Variants in FHIT observed in about 807,000 individuals in gnomAD.
FHIT encodes fragile histidine triad diadenosine triphosphatase.
FHIT carries 19 observed loss-of-function variants against 17.9 expected under a neutral mutation model. The observed-to-expected ratio is 1.06, with a 90% CI of 0.74 to 1.56. The LOEUF is 1.56. Ranked by LOEUF, FHIT falls within the 40% of genes most tolerant of loss-of-function variation. The pLI is 0.00. For missense variants in FHIT, 248 were observed against 189.2 expected (o/e 1.31, Z -1.82); for synonymous variants, 81 against 69.7 (o/e 1.16, Z -0.81).
At chr3:60,139,323 G>A (rs1699938456) in intron 5 of FHIT, among the ~76,000 whole-genome samples, 1 of 152,126 alleles carries the variant, frequency 6.6e-6, no homozygotes, top group South Asian at 2.1e-4. Flanking sequence ...CAAAAAGGGG[G>A]CAAAGCCAAG....
chr3:60,404,250 C>T (rs1424609562), intron 5 of FHIT, among the ~76,000 whole-genome samples: 1 of 152,128 alleles, frequency 6.6e-6, no homozygotes, highest in Non-Finnish European at 1.5e-5. Flanking sequence ...GGACACACTC[C>T]ACCAGTAACA....
chr3:60,461,661 T>C (rs1046685329), intron 5 of FHIT, among the ~76,000 whole-genome samples: 2 of 152,200 alleles, frequency 1.3e-5, no homozygotes, highest in Non-Finnish European at 2.9e-5. Context: ...GTCTTTTTTC[T>C]TCTGCAAGTT....
chr3:60,131,020 CA>C (rs1559661423), intron 5 of FHIT, among the ~76,000 whole-genome samples: 3 of 144,814 alleles, frequency 2.1e-5, no homozygotes, highest in African/African-American at 7.7e-5. Context: ...TATATATACA[CA>C]TATATACATA....
At chr3:61,073,211 G>A (rs967750505) in intron 2 of FHIT, among the ~76,000 whole-genome samples, 3 of 152,214 alleles carry the variant, frequency 2.0e-5, no homozygotes, top group Admixed American at 1.3e-4. Context: ...GATGGATGGA[G>A]TGTATGCTGT....
chr3:60,024,033 T>C (rs1482551967), intron 5 of FHIT, among the ~76,000 whole-genome samples: 1 of 151,420 alleles, frequency 6.6e-6, no homozygotes, highest in South Asian at 2.1e-4. Flanking sequence ...AAATGTAACA[T>C]ACCCAGCTAA....
intron 2 of FHIT, among the ~76,000 whole-genome samples, chr3:61,052,851 T>C (rs544646046): frequency 2.1e-3 from 217 of 104,682 alleles, no homozygotes; most frequent in Middle Eastern, 0.014. Flanking sequence ...AATTAATCTA[T>C]TTTTTTTTAA....
At chr3:60,545,787 C>G (rs1352699248) in intron 4 of FHIT, among the ~76,000 whole-genome samples, 1 of 152,276 alleles carries the variant, frequency 6.6e-6, no homozygotes, top group African/African-American at 2.4e-5. Flanking sequence ...AATCCACATG[C>G]CCTCTGAAAT....
intron 5 of FHIT, among the ~76,000 whole-genome samples, chr3:60,220,542 AAATT>A (rs1390718161): frequency 2.6e-5 from 4 of 152,200 alleles, no homozygotes; most frequent in Non-Finnish European, 5.9e-5. Flanking sequence ...AGATGAATTC[AAATT>A]ATTTATTATG....
chr3:60,994,333 G>GTTACGCATGTCTTAAAGGA (rs2107589426), intron 3 of FHIT, among the ~76,000 whole-genome samples: 1 of 152,276 alleles, frequency 6.6e-6, no homozygotes, highest in East Asian at 1.9e-4. Flanking sequence ...GATGGAGAAC[G>GTTACGCATGTCTTAAAGGA]TGGGGGAAGA....
chr3:60,621,183 T>C (rs1299637237), intron 4 of FHIT, among the ~76,000 whole-genome samples: 1 of 131,424 alleles, frequency 7.6e-6, no homozygotes. Context: ...GAGTCTCACA[T>C]GGTCACCTAG....
chr3:60,910,897 C>G (rs1706708435), intron 3 of FHIT, among the ~76,000 whole-genome samples: 3 of 152,176 alleles, frequency 2.0e-5, no homozygotes, highest in Admixed American at 6.5e-5. Context: ...ACTGGACCTG[C>G]AATTATGTGA....
intron 7 of FHIT, among the ~76,000 whole-genome samples, chr3:60,001,977 A>G (rs1262876488): frequency 6.6e-6 from 1 of 152,184 alleles, no homozygotes; most frequent in Non-Finnish European, 1.5e-5. Context: ...GGGAACACGA[A>G]CTGATATATG....
intron 5 of FHIT, among the ~76,000 whole-genome samples, chr3:60,204,464 T>TG (rs1297128276): frequency 2.1e-4 from 31 of 145,904 alleles, no homozygotes; most frequent in South Asian, 6.5e-4. Context: ...TTTTGTTTTG[T>TG]TTTTTTAGTA....
chr3:60,662,366 T>A (rs1440129940), intron 4 of FHIT, among the ~76,000 whole-genome samples: 3 of 152,188 alleles, frequency 2.0e-5, no homozygotes, highest in Non-Finnish European at 2.9e-5. Context: ...TTGGCTTTAT[T>A]TCTGGGTTCT....
chr3:61,127,136 A>T (rs2036629287), intron 2 of FHIT, among the ~76,000 whole-genome samples: 1 of 152,204 alleles, frequency 6.6e-6, no homozygotes, highest in Non-Finnish European at 1.5e-5. Context: ...CTGTAACAGA[A>T]TCATTTGACT....
At chr3:59,939,937 C>T (rs537879798) in intron 7 of FHIT, among the ~76,000 whole-genome samples, 3 of 152,270 alleles carry the variant, frequency 2.0e-5, no homozygotes, top group Non-Finnish European at 4.4e-5. Context: ...CAGGATTTCA[C>T]AGCAAGCATA....
At chr3:60,230,331 A>G (rs887175610) in intron 5 of FHIT, among the ~76,000 whole-genome samples, 1 of 152,202 alleles carries the variant, frequency 6.6e-6, no homozygotes, top group African/African-American at 2.4e-5. Context: ...TTTATTTCAT[A>G]TCCTAAAAAG....
chr3:60,665,742 T>G (rs1553692309), intron 4 of FHIT, among the ~76,000 whole-genome samples: 1 of 152,064 alleles, frequency 6.6e-6, no homozygotes, highest in East Asian at 1.9e-4. Flanking sequence ...TCTCTGTCTT[T>G]TGATGGTGTT....
At chr3:59,912,808 G>A (rs1022285370) in intron 8 of FHIT, among the ~76,000 whole-genome samples, 2 of 152,138 alleles carry the variant, frequency 1.3e-5, no homozygotes, top group Non-Finnish European at 2.9e-5. Flanking sequence ...TGGCCTACAA[G>A]ATATTTATGG....
Sources: allele counts gnomAD v4.1 joint callset (sites outside exome capture counted in the v4.1 genomes callset), GRCh38; gene constraint gnomAD v4.1.1; transcripts MANE v1.5; gene names NCBI Gene and HGNC (gene_info 2026-07-23, HGNC 2026-07-21).